The following ZNHIT3 variants were observed in gnomAD, a reference collection of about 807,000 sequenced individuals.
ZNHIT3 encodes the protein zinc finger HIT-type containing 3, also known as zinc finger HIT domain-containing protein 3.
A neutral mutation model predicts 19.9 loss-of-function variants in ZNHIT3; 27 were observed. That is an observed-to-expected ratio of 1.36 (90% confidence interval 1.00 to 1.87). The LOEUF (loss-of-function observed/expected upper bound fraction) is 1.87. Ranked by LOEUF, ZNHIT3 falls within the 40% of genes most tolerant of loss-of-function variation. The probability of loss-of-function intolerance (pLI) is 0.00; values close to 1 mark genes in which losing one functional copy is unlikely to be tolerated. For synonymous variants in ZNHIT3, 81 were observed against 65.7 expected (o/e 1.23, Z -1.13); for missense variants, 215 against 185.6 (o/e 1.16, Z -0.92).
At chr17:36,496,401 C>T (rs760818047), downstream of ZNHIT3, 10 of 1,613,732 alleles carry the variant, frequency 6.2e-6, no homozygotes, top group Middle Eastern at 1.6e-4. Context: ...GAAACTTTAT[C>T]GATCCCTAGA....
At chr17:36,498,113 G>A (rs1247304676), downstream of ZNHIT3, 4 of 729,004 alleles carry the variant, frequency 5.5e-6, no homozygotes, top group African/African-American at 1.8e-5. Flanking sequence ...ATCCAAACCT[G>A]CAGCTGATTG....
In ZNHIT3 at chr17:36,491,690, AC is replaced by A. The variant is rs1411707220; in HGVS notation, c.119-1122del. On this transcript the variant is annotated intron_variant, in intron 2 of 4. Transcript: ENST00000617429. ...GTAGGTGATCTCTCTTTCACTTTAA[AC>A]TTTTTTTTTTCTTGCTGACATCCAA... is the stretch of plus-strand genomic sequence containing the variant. 2.6e-5 allele frequency: 4 copies of A among 151,018 alleles called. No individual in the cohort carries two copies. The East Asian group carries it at 7.7e-4, about 29-fold the overall frequency. The allele number at this position is 151,018 out of a possible 1,614,324, so 9.4% of individuals were successfully genotyped here. A position where few individuals can be genotyped will look rare whatever the true frequency, so the allele number is the denominator to read the frequency against.
downstream of ZNHIT3, chr17:36,498,147 C>T: frequency 8.8e-7 from 1 of 1,135,408 alleles, no homozygotes; most frequent in South Asian, 1.5e-5. Flanking sequence ...TCTGGTTTAC[C>T]CAGTAGGGTT....
In ZNHIT3 at chr17:36,486,696, A is replaced by G; in HGVS notation, c.-4A>G. 1.2e-6 allele frequency: 2 copies of G among 1,613,714 alleles called. No homozygotes were observed. ...CGCAGTGAACAGTCTCCTTCCACAA[A>G]ACCATGGCGTCGCTCAAATGTAGCA... is the stretch of plus-strand genomic sequence containing the variant. On this transcript the variant is annotated 5_prime_UTR_variant, in exon 1 of 5. Coordinates refer to ENST00000617429, the MANE Select transcript of ZNHIT3 (RefSeq NM_004773.4).
rs964484114 is a variant in ZNHIT3 at position 36,495,623 on chromosome 17, G to A, written c.*219G>A. 7.8e-7 allele frequency: 1 copy of A among 1,287,862 alleles called. No homozygotes were observed. The highest frequency in any genetic ancestry group is 1.5e-5 in the African/African-American group (1 of 65,906). 79.8% of individuals were successfully genotyped at this position (1,287,862 alleles called of 1,614,324 possible). On this transcript the variant is annotated 3_prime_UTR_variant, in exon 5 of 5. Transcript: ENST00000617429. ...CAAGTCCTTTATGGAGAGAAAACTTGACATTCAGATGATTGTTTTTAAATG... is the reference window on the plus strand; with the variant it reads ...CAAGTCCTTTATGGAGAGAAAACTTAACATTCAGATGATTGTTTTTAAATG...
intron 2 of ZNHIT3, chr17:36,491,679 T>C (rs1476648161): frequency 6.6e-6 from 1 of 152,204 alleles, no homozygotes; most frequent in African/African-American, 2.4e-5. Context: ...GTGATCTCTC[T>C]TTCACTTTAA....
Position 36,495,463 on chromosome 17 carries a change from CCT to C in ZNHIT3, c.*63_*64del. On this transcript the variant is annotated 3_prime_UTR_variant, in exon 5 of 5. Transcript: ENST00000617429. ...CTTGACTCCTGGAACCTGCCTGCTC[CCT>C]CTCCCAGACCAGCTAGTTTGGGGCT... The C allele has an allele frequency of 6.7e-7, 1 of 1,496,374 alleles. No individual in the cohort carries two copies. Among genetic ancestry groups the C allele is most frequent in the Non-Finnish European group, 8.9e-7 (1 of 1,125,490 alleles). The allele number at this position is 1,496,374 out of a possible 1,614,324, so 92.7% of individuals were successfully genotyped here.
chr17:36,487,488 T>C (rs1417505132), intron 2 of ZNHIT3, among the ~76,000 whole-genome samples: 2 of 152,212 alleles, frequency 1.3e-5, no homozygotes, highest in East Asian at 3.8e-4. Flanking sequence ...AACACACTTT[T>C]GTACAGTTAA....
chr17:36,489,300 A>G (rs971017883), intron 2 of ZNHIT3: 1 of 152,178 alleles, frequency 6.6e-6, no homozygotes, highest in Non-Finnish European at 1.5e-5. Flanking sequence ...TCCTTTGGAT[A>G]TATATACAGT....
chr17:36,494,078 A>G, intron 4 of ZNHIT3, 72 bp downstream of exon 4: 1 of 1,263,154 alleles, frequency 7.9e-7, no homozygotes, highest in Non-Finnish European at 1.1e-6. Context: ...TTTTTTAAAA[A>G]GTTTTTAATT....
chr17:36,499,242 A>T (rs917534623), downstream of ZNHIT3: 2 of 949,688 alleles, frequency 2.1e-6, no homozygotes, highest in Admixed American at 2.6e-5. Flanking sequence ...GCAGCACCAC[A>T]GTTGCTGTCA....
chr17:36,498,206 T>C (rs2071179904), downstream of ZNHIT3: 8 of 1,550,798 alleles, frequency 5.2e-6, no homozygotes, highest in South Asian at 1.2e-5. Context: ...TGTGAACTTG[T>C]AGGCTTTGCT....
At chr17:36,495,909 C>T (rs557685293), downstream of ZNHIT3, 282 of 1,186,604 alleles carry the variant, frequency 2.4e-4, no homozygotes, top group South Asian at 5.1e-4. Flanking sequence ...TGGCTGTTTT[C>T]TTCCAAAAGT....
chr17:36,488,464 G>C (rs2070640707), intron 2 of ZNHIT3, among the ~76,000 whole-genome samples: 2 of 152,034 alleles, frequency 1.3e-5, no homozygotes. Context: ...ATAATTGCTT[G>C]AACCATGGAG....
rs2070760409 is a variant in ZNHIT3, at chr17:36,492,914, T to C, written c.205+15T>C. The C allele has an allele frequency of 6.2e-7, 1 of 1,611,814 alleles. No homozygotes were observed. Among genetic ancestry groups the C allele is most frequent in the African/African-American group, 1.3e-5 (1 of 74,834 alleles). On this transcript the variant is annotated intron_variant, in intron 3 of 4. Transcript: ENST00000617429. ...GGAAAACAAAGGTGGGTTGGTTGAC[T>C]TCAAACAAATCTACAAGGGACTTCA...
intron 2 of ZNHIT3, among the ~76,000 whole-genome samples, chr17:36,487,932 C>T (rs1275269083): frequency 3.3e-5 from 5 of 151,618 alleles, no homozygotes; most frequent in African/African-American, 1.2e-4. Context: ...AGCGAAACCC[C>T]GTCTCTATAA....
intron 3 of ZNHIT3, 144 bp from the exon 4 acceptor site, chr17:36,493,782 G>A: frequency 7.9e-6 from 5 of 630,248 alleles, no homozygotes; most frequent in Admixed American, 5.6e-5. Context: ...CCGGAGAAGA[G>A]GATTTTTGTC....
chr17:36,488,478 C>A (rs1355143891), intron 2 of ZNHIT3, among the ~76,000 whole-genome samples: 1 of 150,794 alleles, frequency 6.6e-6, no homozygotes, highest in East Asian at 2.0e-4. Context: ...CATGGAGACG[C>A]AGGTTGCAGT....
intron 2 of ZNHIT3, chr17:36,491,774 G>GTAC (rs1387271474): frequency 6.6e-6 from 1 of 152,068 alleles, no homozygotes; most frequent in Admixed American, 6.6e-5. Flanking sequence ...TTGGGGTCAG[G>GTAC]TACAACCCAG....
Sources: gnomAD v4.1 joint callset for allele counts (sites outside exome capture counted in the v4.1 genomes callset) on GRCh38, gnomAD v4.1.1 for gene constraint, MANE v1.5 for transcripts, NCBI Gene and HGNC (gene_info 2026-07-23, HGNC 2026-07-21) for gene names.